The following HMOX2 variants were observed in gnomAD, a reference collection of about 807,000 sequenced individuals.
HMOX2 encodes heme oxygenase (decycling) 2.
In HMOX2, 30 loss-of-function variants were observed where a neutral mutation model predicts 33.7. The observed-to-expected ratio is 0.89, with a 90% CI of 0.67 to 1.21. HMOX2 has a LOEUF of 1.21. Among genes scored for constraint, HMOX2 ranks in the 50% most tolerant of loss-of-function variants. The probability of loss-of-function intolerance (pLI) is 0.00; values close to 1 mark genes in which losing one functional copy is unlikely to be tolerated. For missense variants in HMOX2, 403 were observed against 399.1 expected (o/e 1.01, Z -0.08); for synonymous variants, 155 against 155.0 (o/e 1.00, Z 0.00).
chr16:4,494,894 C>G (rs1350387712), intron 1 of HMOX2, among the ~76,000 whole-genome samples: 1 of 151,880 alleles, frequency 6.6e-6, no homozygotes, highest in Non-Finnish European at 1.5e-5. Flanking sequence ...AAAGTTTGGC[C>G]AGGCATGGTG....
chr16:4,505,691 C>A, intron 2 of HMOX2, 81 bp downstream of exon 2: 1 of 1,053,580 alleles, frequency 9.5e-7, no homozygotes, highest in Non-Finnish European at 1.4e-6. Context: ...TGTCTGTTGG[C>A]AGCACTGGGG....
chr16:4,485,818 G>A (rs1317365442), intron 1 of HMOX2, among the ~76,000 whole-genome samples: 4 of 151,962 alleles, frequency 2.6e-5, no homozygotes, highest in African/African-American at 4.8e-5. Context: ...TCTGCCTCCC[G>A]GGTTCAAACA....
intron 1 of HMOX2, among the ~76,000 whole-genome samples, chr16:4,481,203 G>T (rs1006446053): frequency 9.9e-5 from 15 of 151,770 alleles, no homozygotes; most frequent in Non-Finnish European, 8.8e-5. Flanking sequence ...AAAAAAATTA[G>T]CCGGGCATGG....
intron 1 of HMOX2, among the ~76,000 whole-genome samples, chr16:4,480,596 T>C (rs9938228): frequency 0.72 from 108,267 of 150,566 alleles, 39,088 homozygotes; most frequent in Non-Finnish European, 0.74. Context: ...CCACCCACTT[T>C]GGCCTCCCAA....
At position 4,507,841 on chromosome 16, in the gene HMOX2, G is replaced by A. The variant is rs2058733545; in HGVS notation, c.333G>A (p.Lys111=). 1.2e-6 allele frequency: 2 copies of A among 1,614,104 alleles called. No individual in the cohort carries two copies. The highest frequency in any genetic ancestry group is 1.7e-6 in the Non-Finnish European group (2 of 1,180,054). ...MELHRKEALT[K]DMEYFFGENW... is the part of the protein sequence containing the mutation. ...TGCACCGGAAGGAGGCGCTGACCAA[G>A]GACATGGAGTATTTCTTTGGTGAAA... The change falls in exon 4 of 6, where the codon AAG becomes AAA. Residue 111 remains lysine (K), a synonymous_variant. Coordinates refer to ENST00000570646, the MANE Select transcript of HMOX2 (RefSeq NM_002134.4).
At chr16:4,505,149 G>C (rs1296137045) in intron 1 of HMOX2, among the ~76,000 whole-genome samples, 1 of 152,078 alleles carries the variant, frequency 6.6e-6, no homozygotes, top group African/African-American at 2.4e-5. Flanking sequence ...CATCTGACAG[G>C]GAGTTGCAGG....
At chr16:4,498,901 G>A (rs962137865) in intron 1 of HMOX2, among the ~76,000 whole-genome samples, 5 of 152,162 alleles carry the variant, frequency 3.3e-5, no homozygotes, top group South Asian at 2.1e-4. Context: ...CTGTTATCTC[G>A]TGCCTTGTTG....
chr16:4,483,025 G>GA (rs1008122295), intron 1 of HMOX2, among the ~76,000 whole-genome samples: 6 of 150,612 alleles, frequency 4.0e-5, no homozygotes, highest in Admixed American at 6.6e-5. Context: ...CAGACTGGAA[G>GA]AAAAAAAAAG....
At chr16:4,507,528 A>C (rs2058724779) in intron 3 of HMOX2, among the ~76,000 whole-genome samples, 185 bp from the exon 4 acceptor site, 1 of 152,172 alleles carries the variant, frequency 6.6e-6, no homozygotes, top group Middle Eastern at 3.2e-3. Flanking sequence ...TGCGTGTTCC[A>C]AAGACTTCAC....
At chr16:4,476,127 T>A (rs531405427), upstream of HMOX2, 5 of 152,260 alleles carry the variant, frequency 3.3e-5, no homozygotes, top group East Asian at 3.9e-4. Context: ...ACTGAGTGGA[T>A]GTACAAGGAT....
chr16:4,509,973 G>T lies in HMOX2; in HGVS notation c.*217G>T. ...GGCACAGGCCGTCACCCTGGGAGCA[G>T]TCGGCACAGTGCAGCAAGCCTGGCC... On this transcript the variant is annotated 3_prime_UTR_variant, in exon 6 of 6. Transcript: ENST00000570646. The T allele has an allele frequency of 1.7e-6, 1 of 592,012 alleles. No individual in the cohort carries two copies. The highest frequency in any genetic ancestry group is 2.1e-5 in the South Asian group (1 of 46,870). The allele number at this position is 592,012 out of a possible 1,614,324, so 36.7% of individuals were successfully genotyped here. A position where few individuals can be genotyped will look rare whatever the true frequency, so the allele number is the denominator to read the frequency against.
intron 4 of HMOX2, 63 bp downstream of exon 4, chr16:4,508,267 C>A (rs1032794073): frequency 1.8e-5 from 27 of 1,506,902 alleles, no homozygotes; most frequent in South Asian, 1.3e-5. Flanking sequence ...GGTAGCAGAT[C>A]CATAGTGGCC....
chr16:4,483,731 C>G (rs954059734), intron 1 of HMOX2: 1 of 152,130 alleles, frequency 6.6e-6, no homozygotes, highest in Non-Finnish European at 1.5e-5. Flanking sequence ...CCTGCCTCAG[C>G]CTCCCGAGTA....
chr16:4,509,684 G>A lies in HMOX2; in HGVS notation c.879G>A (p.Lys293=), dbSNP rs1435392723. 3 of 1,613,932 alleles carry A rather than the reference G, an allele frequency of 1.9e-6. No homozygotes were observed. The highest frequency in any genetic ancestry group is 2.7e-5 in the African/African-American group (2 of 74,920). Residue 293 remains lysine (K), a synonymous_variant, in exon 6 of 6, where the codon AAG becomes AAA. Transcript: ENST00000570646. ...GAACAGCTATGGCTGTGCTGAGGAA[G>A]CCCAGCCTCCAGTTCATCCTGGCCG... ...PFRTAMAVLR[K]PSLQFILAAG... is the part of the protein sequence containing the mutation.
chr16:4,498,518 G>A (rs1056138431), intron 1 of HMOX2, among the ~76,000 whole-genome samples: 5 of 151,954 alleles, frequency 3.3e-5, no homozygotes, highest in Non-Finnish European at 7.4e-5. Flanking sequence ...GGGACTACAG[G>A]TGTGTGTCAC....
At chr16:4,501,718 C>G (rs1195011444) in intron 1 of HMOX2, among the ~76,000 whole-genome samples, 2 of 152,116 alleles carry the variant, frequency 1.3e-5, no homozygotes, top group African/African-American at 4.8e-5. Flanking sequence ...AGTATAGAAA[C>G]CAGCCAGACT....
At chr16:4,485,524 G>C (rs1184006308) in intron 1 of HMOX2, among the ~76,000 whole-genome samples, 1 of 152,112 alleles carries the variant, frequency 6.6e-6, no homozygotes, top group Non-Finnish European at 1.5e-5. Context: ...AAAGAGTGGA[G>C]AAATGGAGAA....
chr16:4,475,329 G>C (rs13330957), upstream of HMOX2, among the ~76,000 whole-genome samples: 17,476 of 151,504 alleles, frequency 0.12, 2,107 homozygotes, highest in African/African-American at 0.3. Context: ...TTTCAAGGTG[G>C]AGTCTTGCTC....
chr16:4,506,682 T>G (rs1253921760), intron 2 of HMOX2, among the ~76,000 whole-genome samples: 1 of 152,214 alleles, frequency 6.6e-6, no homozygotes, highest in Non-Finnish European at 1.5e-5. Context: ...ATCCCTTGTG[T>G]CCTGAGTCCT....
Sources: gnomAD v4.1 joint callset for allele counts (sites outside exome capture counted in the v4.1 genomes callset) on GRCh38, gnomAD v4.1.1 for gene constraint, MANE v1.5 for transcripts, NCBI Gene and HGNC (gene_info 2026-07-23, HGNC 2026-07-21) for gene names.